SH3D19: variants seen among roughly 807,000 people sequenced by gnomAD.
SH3D19 encodes SH3 domain containing 19.
A neutral mutation model predicts 112.1 loss-of-function variants in SH3D19; 58 were observed. The observed-to-expected ratio is 0.52, with a 90% CI of 0.42 to 0.64. SH3D19 has a LOEUF of 0.64. Ranked by LOEUF, SH3D19 falls within the 30% of genes least tolerant of loss-of-function variation. The probability of loss-of-function intolerance (pLI) is 0.00; values close to 1 mark genes in which losing one functional copy is unlikely to be tolerated. For synonymous variants in SH3D19, 391 were observed against 448.5 expected, an observed-to-expected ratio of 0.87 and a Z score of 1.62; for missense variants, 1,090 against 1,263.4, an observed-to-expected ratio of 0.86 and a Z score of 2.08.
At chr4:151,135,464 G>A (rs1323934341) in intron 14 of SH3D19, among the ~76,000 whole-genome samples, 1 of 101,322 alleles carries the variant, frequency 9.9e-6, no homozygotes, top group Non-Finnish European at 1.8e-5. Context: ...ATCTTACTCT[G>A]TCACCCAGGC....
At chr4:151,165,748 C>A (rs1757902042) in intron 7 of SH3D19, 52 bp from the exon 8 acceptor site, 1 of 1,428,882 alleles carries the variant, frequency 7.0e-7, no homozygotes, top group Non-Finnish European at 9.8e-7. Context: ...TGGACTGAAA[C>A]AAAAAACCTC....
chr4:151,210,708 A>AT (rs1387257241), intron 2 of SH3D19, among the ~76,000 whole-genome samples: 4 of 151,456 alleles, frequency 2.6e-5, no homozygotes, highest in Non-Finnish European at 4.4e-5. Context: ...GCCCCCCAGT[A>AT]TTTTTTTTAA....
chr4:151,124,182 C>A (rs1454510639), intron 19 of SH3D19, among the ~76,000 whole-genome samples: 1 of 151,912 alleles, frequency 6.6e-6, no homozygotes, highest in African/African-American at 2.4e-5. Context: ...TCTCGGCTCA[C>A]TGCAACCTCC....
At chr4:151,213,061 C>T (rs1244591085) in intron 2 of SH3D19, among the ~76,000 whole-genome samples, 1 of 152,206 alleles carries the variant, frequency 6.6e-6, no homozygotes, top group Non-Finnish European at 1.5e-5. Context: ...GATGTGACCA[C>T]ATTGATGTAT....
intron 1 of SH3D19, among the ~76,000 whole-genome samples, chr4:151,303,264 G>T (rs1561446649): frequency 6.6e-6 from 1 of 152,124 alleles, no homozygotes; most frequent in African/African-American, 2.4e-5. Flanking sequence ...TGATAAATTA[G>T]CCAGTGTTTT....
chr4:151,233,459 G>A (rs1285341630), intron 1 of SH3D19, among the ~76,000 whole-genome samples: 4 of 152,098 alleles, frequency 2.6e-5, no homozygotes, highest in Admixed American at 1.3e-4. Context: ...CTTGCCTTTC[G>A]CAGCTTCCTG....
chr4:151,194,806 C>T (rs1763167569), intron 2 of SH3D19, among the ~76,000 whole-genome samples: 1 of 151,742 alleles, frequency 6.6e-6, no homozygotes, highest in African/African-American at 2.4e-5. Flanking sequence ...TAATTTTCAG[C>T]TGGGCATGGA....
intron 1 of SH3D19, among the ~76,000 whole-genome samples, chr4:151,230,599 T>C (rs1430747333): frequency 1.4e-5 from 2 of 142,522 alleles, no homozygotes; most frequent in African/African-American, 5.1e-5. Context: ...AAGTGAGTCT[T>C]TTTTTTTTTT....
intron 2 of SH3D19, among the ~76,000 whole-genome samples, chr4:151,192,792 G>C (rs2149864698): frequency 6.6e-6 from 1 of 152,216 alleles, no homozygotes; most frequent in East Asian, 1.9e-4. Context: ...CCCAAGAAAT[G>C]GGCATGCTGA....
intron 1 of SH3D19, among the ~76,000 whole-genome samples, chr4:151,243,527 G>A (rs6535777): frequency 0.76 from 116,100 of 152,220 alleles, 44,935 homozygotes; most frequent in East Asian, 0.92. Context: ...GAAGTTCTTA[G>A]CTGTTTTAAG....
chr4:151,202,827 G>T (rs936561982), intron 2 of SH3D19, among the ~76,000 whole-genome samples: 2 of 152,144 alleles, frequency 1.3e-5, no homozygotes, highest in Admixed American at 6.5e-5. Context: ...GAGCATGAGG[G>T]CCCTTCTAAA....
rs536883796 is a variant in SH3D19 at position 151,180,522 on chromosome 4, T to C, written c.194-1125A>G. 3.6e-4 allele frequency among the ~76,000 whole-genome samples: 54 copies of C among 149,346 alleles called. No homozygotes were observed. In the Middle Eastern group the frequency reaches 0.01, roughly 29 times the overall value. On this transcript the variant is annotated intron_variant, in intron 3 of 19. Transcript: ENST00000604030. ...CCTGGGTTCACACCATTCTCTTGCC[T>C]CATCTTCCAGAGTAGCTGGGACTAC...
At chr4:151,123,884 G>A (rs1382719896) in intron 19 of SH3D19, among the ~76,000 whole-genome samples, 1 of 152,026 alleles carries the variant, frequency 6.6e-6, no homozygotes, top group African/African-American at 2.4e-5. Flanking sequence ...AAAAAAAATG[G>A]CTTGATTTAA....
chr4:151,146,250 G>A (rs527312244), intron 11 of SH3D19, among the ~76,000 whole-genome samples: 2 of 152,096 alleles, frequency 1.3e-5, no homozygotes, highest in South Asian at 2.1e-4. Context: ...CTACTCTGTC[G>A]TTCAATTGTT....
At position 151,292,241 on chromosome 4, in the gene SH3D19, G is replaced by A. The variant is rs143758013; in HGVS notation, c.112+33000C>T. On this transcript the variant is annotated intron_variant, in intron 1 of 19. Coordinates refer to ENST00000604030, the MANE Select transcript of SH3D19 (RefSeq NM_001378122.1). ...TTGAGACCAGGAGTTCGAGGCTGCA[G>A]TGAGCTATGATCACATCACTGCACT... is the stretch of plus-strand genomic sequence containing the variant. Among the ~76,000 whole-genome samples the A allele has an allele frequency of 3.3e-4, 50 of 151,894 alleles. No homozygotes were observed. In the East Asian group the frequency reaches 5.8e-3, roughly 18 times the overall value.
At chr4:151,286,123 G>A (rs1774732598) in intron 1 of SH3D19, among the ~76,000 whole-genome samples, 1 of 139,758 alleles carries the variant, frequency 7.2e-6, no homozygotes, top group Non-Finnish European at 1.5e-5. Context: ...CAAGGCTGCA[G>A]TGAGCTATAT....
At chr4:151,156,494 G>A (rs1756127087) in intron 9 of SH3D19, among the ~76,000 whole-genome samples, 1 of 152,200 alleles carries the variant, frequency 6.6e-6, no homozygotes, top group Non-Finnish European at 1.5e-5. Context: ...CAATGGAACA[G>A]AATAGAGAAT....
Position 151,128,438 on chromosome 4 carries a change from A to G in SH3D19, c.2743-82T>C, listed in dbSNP as rs56724348. On this transcript the variant is annotated intron_variant, in intron 17 of 19. Coordinates refer to ENST00000604030, the MANE Select transcript of SH3D19 (RefSeq NM_001378122.1). ...CTACAAAGCTTAAAAAGTAGTGGGGAAAAAAAAACTAAGGGGTCTTAAGAT... is the reference window on the plus strand; with the variant it reads ...CTACAAAGCTTAAAAAGTAGTGGGGGAAAAAAAACTAAGGGGTCTTAAGAT... 0.01 allele frequency: 11,596 copies of G among 1,154,364 alleles called. 733 individuals carry two copies. In the African/African-American group the frequency reaches 0.17, roughly 17 times the overall value. 71.5% of individuals were successfully genotyped at this position (1,154,364 alleles called of 1,614,324 possible). A position where few individuals can be genotyped will look rare whatever the true frequency, so the allele number is the denominator to read the frequency against.
chr4:151,204,968 G>A (rs570888218), intron 2 of SH3D19, among the ~76,000 whole-genome samples: 9 of 151,830 alleles, frequency 5.9e-5, no homozygotes, highest in East Asian at 1.9e-4. Context: ...TTACAGGTGC[G>A]CACCACCACA....
Sources: gnomAD v4.1 joint callset for allele counts (sites outside exome capture counted in the v4.1 genomes callset) on GRCh38, gnomAD v4.1.1 for gene constraint, MANE v1.5 for transcripts, NCBI Gene and HGNC (gene_info 2026-07-23, HGNC 2026-07-21) for gene names.